The following OR1J2 variants were observed in gnomAD, a reference collection of about 807,000 sequenced individuals.
OR1J2 encodes olfactory receptor 1J2.
For missense variants in OR1J2, 304 were observed against 246.1 expected, an observed-to-expected ratio of 1.24 and a Z score of -1.57; for synonymous variants, 142 against 99.7, an observed-to-expected ratio of 1.42 and a Z score of -2.52.
At chr9:122,556,570 G>A in the OR1J2 span, among the ~76,000 whole-genome samples, 1 of 152,004 alleles carries the variant, frequency 6.6e-6, no homozygotes, top group African/African-American at 2.4e-5. Context: ...TAATGCATGC[G>A]GGGCTTAAAG....
chr9:122,479,408 T>C, the OR1J2 span, among the ~76,000 whole-genome samples: 2 of 152,360 alleles, frequency 1.3e-5, no homozygotes, highest in South Asian at 2.1e-4. Flanking sequence ...TGTTTTATTG[T>C]TTTGTATCTC....
At chr9:122,534,532 G>C in the OR1J2 span, among the ~76,000 whole-genome samples, 1 of 152,164 alleles carries the variant, frequency 6.6e-6, no homozygotes, top group African/African-American at 2.4e-5. Flanking sequence ...ATATTGCTGG[G>C]CAGGTGGGGG....
chr9:122,521,266 C>T, the OR1J2 span, among the ~76,000 whole-genome samples: 1 of 152,190 alleles, frequency 6.6e-6, no homozygotes, highest in African/African-American at 2.4e-5. Flanking sequence ...TGTGCAGACA[C>T]TCCTGAATTA....
At chr9:122,553,518 C>T in the OR1J2 span, 1 of 1,614,108 alleles carries the variant, frequency 6.2e-7, no homozygotes, top group Non-Finnish European at 8.5e-7. Flanking sequence ...GTGTCTTGCA[C>T]AGCTATATTT....
chr9:122,512,820 T>C (rs1252654606), downstream of OR1J2, among the ~76,000 whole-genome samples: 1 of 152,232 alleles, frequency 6.6e-6, no homozygotes, highest in Admixed American at 6.5e-5. Context: ...AATTTCAGTG[T>C]GCCATGTAAC....
At chr9:122,531,318 G>T in the OR1J2 span, among the ~76,000 whole-genome samples, 4 of 152,222 alleles carry the variant, frequency 2.6e-5, no homozygotes, top group African/African-American at 9.6e-5. Flanking sequence ...TGGCGGTTTG[G>T]GGATAGCACC....
At chr9:122,481,741 C>G in the OR1J2 span, among the ~76,000 whole-genome samples, 1 of 152,082 alleles carries the variant, frequency 6.6e-6, no homozygotes, top group Non-Finnish European at 1.5e-5. Context: ...TGATACATTG[C>G]TATAAGATGG....
At chr9:122,515,487 C>G (rs546706937), downstream of OR1J2, among the ~76,000 whole-genome samples, 1 of 150,270 alleles carries the variant, frequency 6.7e-6, no homozygotes, top group African/African-American at 2.5e-5. Flanking sequence ...CGGCCAATGA[C>G]TCTCATGTCT....
chr9:122,574,670 A>G, the OR1J2 span, among the ~76,000 whole-genome samples: 2 of 152,026 alleles, frequency 1.3e-5, no homozygotes, highest in African/African-American at 2.4e-5. Context: ...TCAAATCTGT[A>G]TATCTTTTAT....
the OR1J2 span, among the ~76,000 whole-genome samples, chr9:122,451,941 C>T: frequency 2.0e-5 from 3 of 152,104 alleles, no homozygotes; most frequent in South Asian, 2.1e-4. Flanking sequence ...TGCAGTAGTG[C>T]GGTGTTGGCT....
the OR1J2 span, among the ~76,000 whole-genome samples, chr9:122,504,046 G>T: frequency 6.6e-6 from 1 of 152,224 alleles, no homozygotes; most frequent in African/African-American, 2.4e-5. Context: ...ATACAACGTA[G>T]TTAGATGATC....
At chr9:122,537,022 TAA>T in the OR1J2 span, among the ~76,000 whole-genome samples, 3 of 152,192 alleles carry the variant, frequency 2.0e-5, no homozygotes, top group African/African-American at 7.2e-5. Flanking sequence ...AAGCCACAGA[TAA>T]AACCTCTCAG....
the OR1J2 span, chr9:122,519,859 C>T: frequency 6.2e-7 from 1 of 1,614,176 alleles, no homozygotes; most frequent in Admixed American, 1.7e-5. Flanking sequence ...GCTTTGTCCA[C>T]CTGTGGCTCT....
At chr9:122,535,053 G>C in the OR1J2 span, among the ~76,000 whole-genome samples, 1 of 152,022 alleles carries the variant, frequency 6.6e-6, no homozygotes, top group Non-Finnish European at 1.5e-5. Flanking sequence ...GGAGAAGAAG[G>C]GGGAATGGAG....
the OR1J2 span, among the ~76,000 whole-genome samples, chr9:122,564,932 A>G: frequency 6.6e-6 from 1 of 151,752 alleles, no homozygotes; most frequent in Admixed American, 6.6e-5. Flanking sequence ...CTGGTCCATT[A>G]TATTGATAAC....
At chr9:122,543,342 A>G in the OR1J2 span, among the ~76,000 whole-genome samples, 1 of 152,136 alleles carries the variant, frequency 6.6e-6, no homozygotes, top group South Asian at 2.1e-4. Context: ...AGCTGGGACC[A>G]TAGGCATGTG....
At chr9:122,478,779 T>A in the OR1J2 span, among the ~76,000 whole-genome samples, 18 of 151,894 alleles carry the variant, frequency 1.2e-4, no homozygotes, top group Non-Finnish European at 1.5e-5. Context: ...CTGATCTTTT[T>A]TTGTTTGTTT....
the OR1J2 span, among the ~76,000 whole-genome samples, chr9:122,524,252 T>C: frequency 6.6e-6 from 1 of 152,232 alleles, no homozygotes; most frequent in Non-Finnish European, 1.5e-5. Flanking sequence ...TTATACCATA[T>C]AGCTTAGCTG....
chr9:122,485,583 T>TGAAA, the OR1J2 span, among the ~76,000 whole-genome samples: 3 of 152,222 alleles, frequency 2.0e-5, no homozygotes, highest in East Asian at 5.8e-4. Context: ...GAAATTCTTT[T>TGAAA]AGCAAGAGAA....
Sources: gnomAD v4.1 joint callset for allele counts (sites outside exome capture counted in the v4.1 genomes callset) on GRCh38, gnomAD v4.1.1 for gene constraint, MANE v1.5 for transcripts, NCBI Gene and HGNC (gene_info 2026-07-23, HGNC 2026-07-21) for gene names.